The following USH2A variants were observed in gnomAD, a reference collection of about 807,000 sequenced individuals.
USH2A encodes usherin.
Under a neutral mutation model 538.9 loss-of-function variants are expected in USH2A, and 443 were observed. The observed-to-expected ratio is 0.82, with a 90% CI of 0.76 to 0.89. USH2A has a LOEUF of 0.89. USH2A is among the 40% of genes least tolerant of loss of function. The pLI, the probability that USH2A is intolerant of heterozygous loss-of-function variation, is 0.00. For synonymous variants in USH2A, 2,413 were observed against 2,273.5 expected (o/e 1.06, Z -1.75); for missense variants, 6,633 against 6,324.8 (o/e 1.05, Z -1.65).
chr1:216,034,767 G>A (rs1206463556), intron 32 of USH2A, among the ~76,000 whole-genome samples: 2 of 152,132 alleles, frequency 1.3e-5, no homozygotes, highest in African/African-American at 2.4e-5. Context: ...AGGCAAGGAA[G>A]GATTCTCCCC....
At position 216,173,689 on chromosome 1, in the gene USH2A, C is replaced by T. The variant is rs541935961; in HGVS notation, c.4627+1563G>A. Among the ~76,000 whole-genome samples, 16 of 152,214 alleles carry T rather than the reference C, an allele frequency of 1.1e-4. No individual in the cohort carries two copies. In the South Asian group the frequency reaches 1.9e-3, roughly 18 times the overall value. On this transcript the variant is annotated intron_variant, in intron 21 of 71. Transcript: ENST00000307340. ...TAGCGAGGATGACCAAATTTATTAACGGTGGACGGGCCATTCTATCTTTCA... is the reference window on the plus strand; with the variant it reads ...TAGCGAGGATGACCAAATTTATTAATGGTGGACGGGCCATTCTATCTTTCA...
At chr1:216,313,643 T>A (rs1179451318) in intron 9 of USH2A, among the ~76,000 whole-genome samples, 4 of 152,198 alleles carry the variant, frequency 2.6e-5, no homozygotes, top group Admixed American at 2.0e-4. Context: ...CCAGGCCTAT[T>A]TTCTGGAAAC....
intron 50 of USH2A, among the ~76,000 whole-genome samples, chr1:215,795,367 C>T (rs1021498751): frequency 6.6e-6 from 1 of 152,146 alleles, no homozygotes; most frequent in African/African-American, 2.4e-5. Flanking sequence ...TGCATGCATT[C>T]ATCCCTCTCT....
chr1:216,070,126 T>C lies in USH2A; in HGVS notation c.6024A>G (p.Glu2008=). ...CTGTGAGGTTGCTTGTATTGACAAATTCAGCACTGGCAGAGGGCATGCGGG... is the reference window on the plus strand; with the variant it reads ...CTGTGAGGTTGCTTGTATTGACAAACTCAGCACTGGCAGAGGGCATGCGGG... The part of the protein sequence containing the change: ...RPPRMPSASA[E]FVNTSNLTGI... The change falls in exon 30 of 72, where the codon GAA becomes GAG. Residue 2008 remains glutamate (E), a synonymous_variant. Coordinates refer to ENST00000307340, the MANE Select transcript of USH2A (RefSeq NM_206933.4). 6.2e-7 allele frequency: 1 copy of C among 1,613,998 alleles called. No homozygotes were observed. The highest frequency in any genetic ancestry group is 8.5e-7 in the Non-Finnish European group (1 of 1,179,918).
intron 12 of USH2A, 129 bp from the exon 13 acceptor site, chr1:216,247,355 A>G (rs2036073006): frequency 1.8e-6 from 2 of 1,096,284 alleles, no homozygotes; most frequent in Admixed American, 4.2e-5. Context: ...AAGCAATGCC[A>G]TAGGGGGCCA....
intron 37 of USH2A, among the ~76,000 whole-genome samples, chr1:215,964,700 A>G (rs1667292123): frequency 1.3e-5 from 2 of 152,172 alleles, no homozygotes; most frequent in Admixed American, 6.6e-5. Flanking sequence ...TAAAATATAT[A>G]CCTGCTCTTT....
chr1:215,998,310 T>C (rs1264903632), intron 34 of USH2A, among the ~76,000 whole-genome samples: 1 of 152,062 alleles, frequency 6.6e-6, no homozygotes. Flanking sequence ...AAAAGACCTT[T>C]GTGTAAAAGT....
intron 52 of USH2A, among the ~76,000 whole-genome samples, chr1:215,785,932 TACACACACAC>T (rs10638003): frequency 4.9e-4 from 72 of 146,500 alleles, no homozygotes; most frequent in African/African-American, 1.7e-3. Flanking sequence ...TGATAGATGA[TACACACACAC>T]ACACACACAC....
At chr1:215,718,209 G>C (rs536364950) in intron 61 of USH2A, among the ~76,000 whole-genome samples, 1 of 152,288 alleles carries the variant, frequency 6.6e-6, no homozygotes, top group South Asian at 2.1e-4. Context: ...TGTATTCACA[G>C]GTGGTGGGTG....
At chr1:215,955,205 G>T (rs1287313729) in intron 37 of USH2A, among the ~76,000 whole-genome samples, 1 of 152,110 alleles carries the variant, frequency 6.6e-6, no homozygotes, top group Non-Finnish European at 1.5e-5. Context: ...GACCATGCTT[G>T]CCAGATATTT....
At chr1:215,787,029 T>C (rs535794016) in intron 51 of USH2A, among the ~76,000 whole-genome samples, 155 bp from the exon 52 acceptor site, 1 of 152,348 alleles carries the variant, frequency 6.6e-6, no homozygotes, top group South Asian at 2.1e-4. Flanking sequence ...TGAAGGCAGT[T>C]TGTATACTAG....
chr1:215,870,579 G>A (rs1374907556), intron 43 of USH2A, among the ~76,000 whole-genome samples: 2 of 151,690 alleles, frequency 1.3e-5, no homozygotes, highest in African/African-American at 2.4e-5. Flanking sequence ...GTACAGGCGT[G>A]AGTCACCGCG....
At chr1:216,254,755 C>T (rs1482828162) in intron 11 of USH2A, among the ~76,000 whole-genome samples, 1 of 152,140 alleles carries the variant, frequency 6.6e-6, no homozygotes, top group African/African-American at 2.4e-5. Context: ...CTAACTGCTG[C>T]TTGACCAGCT....
chr1:215,706,835 A>G (rs7546433), intron 61 of USH2A, among the ~76,000 whole-genome samples: 94,187 of 152,030 alleles, frequency 0.62, 29,808 homozygotes, highest in Middle Eastern at 0.72. Flanking sequence ...AAGCTTATTA[A>G]CTTGTAAATC....
chr1:215,879,091 C>T lies in USH2A; in HGVS notation c.8231G>A (p.Trp2744Ter), dbSNP rs1664846292. 17 of 1,613,240 alleles carry T rather than the reference C, an allele frequency of 1.1e-5. No individual in the cohort carries two copies. The highest frequency in any genetic ancestry group is 1.4e-5 in the Non-Finnish European group (17 of 1,179,402). ...TCCGTTCTGGATGAGTGGGGGTTTC[C>T]AAGTGACCTGAAATGAAAGATAAAC... ...VLEPDAVQVTWKPPLIQNGDI... is the reference protein window; with the variant it reads ...VLEPDAVQVT Residue 2744 changes from tryptophan to a stop codon, truncating the protein, a stop_gained, in exon 42 of 72, where the codon TGG becomes TAG. Transcript: ENST00000307340. LOFTEE classifies it high-confidence loss of function.
intron 52 of USH2A, among the ~76,000 whole-genome samples, chr1:215,783,227 TAAG>T (rs1661700261): frequency 6.6e-6 from 1 of 152,180 alleles, no homozygotes; most frequent in South Asian, 2.1e-4. Context: ...TCATGTATAA[TAAG>T]ATTTAGTGCT....
chr1:216,284,099 A>ACATATATACACACATATATG, intron 11 of USH2A, among the ~76,000 whole-genome samples: 1 of 152,086 alleles, frequency 6.6e-6, no homozygotes, highest in African/African-American at 2.4e-5. Context: ...CTCTATATAT[A>ACATATATACACACATATATG]TACATATATA....
chr1:216,194,908 A>G (rs2034804495), intron 19 of USH2A, among the ~76,000 whole-genome samples: 1 of 152,154 alleles, frequency 6.6e-6, no homozygotes, highest in Non-Finnish European at 1.5e-5. Flanking sequence ...CACTTGGGAC[A>G]TAACATGTAG....
rs1662672173 is a variant in USH2A, at chr1:215,811,407, CT to C, written c.9739+2328del. 4.6e-5 allele frequency among the ~76,000 whole-genome samples: 7 copies of C among 152,202 alleles called. 1 individual carries two copies. The South Asian group carries it at 1.5e-3, about 32-fold the overall frequency. ...CAACGTATTTTTCACACTCTTTATT[CT>C]GAGGGACCAGCTATTTTTCACACTC... is the stretch of plus-strand genomic sequence containing the variant. On this transcript the variant is annotated intron_variant, in intron 49 of 71. Coordinates refer to ENST00000307340, the MANE Select transcript of USH2A (RefSeq NM_206933.4).
Sources: allele counts gnomAD v4.1 joint callset (sites outside exome capture counted in the v4.1 genomes callset), GRCh38; gene constraint gnomAD v4.1.1; transcripts MANE v1.5; gene names NCBI Gene and HGNC (gene_info 2026-07-23, HGNC 2026-07-21).